ALS2: variants seen among roughly 807,000 people sequenced by gnomAD.
ALS2 encodes the protein alsin Rho guanine nucleotide exchange factor ALS2.
Under a neutral mutation model 203.4 loss-of-function variants are expected in ALS2, and 117 were observed. The ratio of observed to expected loss-of-function variants is 0.58; its 90% CI spans 0.50 to 0.67. The LOEUF is 0.67. Among genes scored for constraint, ALS2 ranks in the 30% least tolerant of loss-of-function variants. The pLI is 0.00. For synonymous variants in ALS2, 718 were observed against 725.9 expected (o/e 0.99, Z 0.17); for missense variants, 1,715 against 1,989.4 (o/e 0.86, Z 2.62).
In ALS2 at chr2:201,728,551, A is replaced by G. The variant is rs1265678329; in HGVS notation, c.2802T>C (p.Asn934=). Residue 934 remains asparagine (N), a synonymous_variant, in exon 15 of 34, where the codon AAT becomes AAC. Transcript: ENST00000264276. ...GGGCATCATTAAAGAGAATGAACCA[A>G]TTCACGGAAAACCTCCCAGCATGCT... ...SLQHAGRFSV[N]WFILFNDALV... The G allele has an allele frequency of 5.0e-6, 8 of 1,614,020 alleles. No individual in the cohort carries two copies. Among genetic ancestry groups the G allele is most frequent in the Non-Finnish European group, 5.9e-6 (7 of 1,180,042 alleles).
chr2:201,777,159 T>C (rs1694698590), intron 1 of ALS2, among the ~76,000 whole-genome samples: 1 of 152,156 alleles, frequency 6.6e-6, no homozygotes, highest in Non-Finnish European at 1.5e-5. Context: ...GAGGGCCTTA[T>C]TATACAACTT....
chr2:201,710,122 G>A, intron 26 of ALS2, 84 bp from the exon 27 acceptor site: 3 of 1,491,338 alleles, frequency 2.0e-6, no homozygotes, highest in Non-Finnish European at 2.8e-6. Context: ...CTTCATAAAT[G>A]ACACACAATT....
chr2:201,716,976 T>G (rs898363567), intron 24 of ALS2, among the ~76,000 whole-genome samples: 5 of 152,178 alleles, frequency 3.3e-5, no homozygotes, highest in Non-Finnish European at 7.4e-5. Flanking sequence ...AACTGTCCAC[T>G]TCTGTGATTG....
chr2:201,726,625 A>G (rs368794255), intron 18 of ALS2, 39 bp downstream of exon 18: 1 of 1,610,424 alleles, frequency 6.2e-7, no homozygotes, highest in Non-Finnish European at 8.5e-7. Context: ...TCATGTGATG[A>G]TCATCCTCAC....
At chr2:201,743,074 A>C (rs1430101761) in intron 10 of ALS2, among the ~76,000 whole-genome samples, 4 of 151,060 alleles carry the variant, frequency 2.6e-5, no homozygotes, top group African/African-American at 9.7e-5. Context: ...CTGTCTCAAA[A>C]AAAAAAAAAA....
chr2:201,769,854 G>A (rs1574803899), intron 1 of ALS2, among the ~76,000 whole-genome samples: 1 of 152,164 alleles, frequency 6.6e-6, no homozygotes, highest in African/African-American at 2.4e-5. Context: ...CATACTGGCA[G>A]GAGTGATCTG....
rs780479543 is a variant in ALS2 at position 201,723,456 on chromosome 2, A to C, written c.3513-15T>G. 6 of 1,592,756 alleles carry C rather than the reference A, an allele frequency of 3.8e-6. No homozygotes were observed. The highest frequency in any genetic ancestry group is 2.6e-6 in the Non-Finnish European group (3 of 1,160,562). On this transcript the variant is annotated splice_polypyrimidine_tract_variant and intron_variant, in intron 21 of 33. Transcript: ENST00000264276. ...ACTTTTCCCCCCTGCACAGAAATAA[A>C]AAGAAAAGAAAAAGCACTGAAGATA... is the stretch of plus-strand genomic sequence containing the variant.
chr2:201,737,430 G>T (rs2106032475), intron 12 of ALS2, among the ~76,000 whole-genome samples: 1 of 152,100 alleles, frequency 6.6e-6, no homozygotes, highest in East Asian at 1.9e-4. Flanking sequence ...CTGAATTTTG[G>T]AATTTGGAAA....
chr2:201,720,378 C>G (rs1690692390), intron 23 of ALS2, among the ~76,000 whole-genome samples: 1 of 151,838 alleles, frequency 6.6e-6, no homozygotes, highest in Non-Finnish European at 1.5e-5. Flanking sequence ...ACATGATCAT[C>G]TCAACAGATA....
intron 10 of ALS2, 58 bp from the exon 11 acceptor site, chr2:201,741,912 T>A: frequency 1.4e-6 from 2 of 1,428,652 alleles, no homozygotes; most frequent in South Asian, 2.4e-5. Context: ...CACTTTATTA[T>A]GATGTGATTA....
Position 201,728,542 on chromosome 2 carries a change from A to G in ALS2, c.2811T>C (p.Ile937=). The change falls in exon 15 of 34, where the codon ATT becomes ATC. Residue 937 remains isoleucine, a synonymous_variant. Transcript: ENST00000264276. ...CATGGACCAGGGCATCATTAAAGAGAATGAACCAATTCACGGAAAACCTCC... is the reference window on the plus strand; with the variant it reads ...CATGGACCAGGGCATCATTAAAGAGGATGAACCAATTCACGGAAAACCTCC... ...HAGRFSVNWF[I]LFNDALVHAQ... 1 of 1,614,142 alleles carries G rather than the reference A, an allele frequency of 6.2e-7. No individual in the cohort carries two copies. The highest frequency in any genetic ancestry group is 8.5e-7 in the Non-Finnish European group (1 of 1,180,024).
chr2:201,732,919 T>C (rs1334753665), intron 13 of ALS2, among the ~76,000 whole-genome samples: 1 of 152,216 alleles, frequency 6.6e-6, no homozygotes, highest in South Asian at 2.1e-4. Flanking sequence ...TATGCCATTA[T>C]ACAGAAAGCC....
Position 201,761,679 on chromosome 2 carries a change from T to G in ALS2, c.315A>C (p.Ala105=). The part of the protein sequence containing the change: ...TVATGSFHSG[A]VTDNGVAYMW... The stretch of plus-strand genomic sequence containing the variant: ...TGTACGCGACACCATTGTCTGTCAC[T>G]GCTCCACTATGGAAGCTTCCTGTTG... The change falls in exon 4 of 34, where the codon GCA becomes GCC. Residue 105 remains alanine (A), a synonymous_variant. Transcript: ENST00000264276. The G allele has an allele frequency of 6.2e-7, 1 of 1,614,216 alleles. No individual in the cohort carries two copies. The highest frequency in any genetic ancestry group is 8.5e-7 in the Non-Finnish European group (1 of 1,180,036).
chr2:201,764,796 T>C (rs1425188819), intron 3 of ALS2, among the ~76,000 whole-genome samples: 4 of 152,164 alleles, frequency 2.6e-5, no homozygotes, highest in African/African-American at 4.8e-5. Context: ...CTGGAAAAGA[T>C]AGCACTGGAG....
chr2:201,761,692 A>T lies in ALS2; in HGVS notation c.302T>A (p.Phe101Tyr). The T allele has an allele frequency of 6.2e-7, 1 of 1,614,156 alleles. No individual in the cohort carries two copies. The highest frequency in any genetic ancestry group is 1.1e-5 in the South Asian group (1 of 91,084). Residue 101 changes from phenylalanine to tyrosine, a missense_variant, in exon 4 of 34, where the codon TTC becomes TAC. Phe to Tyr is a conservative substitution (Grantham distance 22). Transcript: ENST00000264276. ...ATTGTCTGTCACTGCTCCACTATGG[A>T]AGCTTCCTGTTGCCACAGTAATAAC... ...QYVITVATGSFHSGAVTDNGV... is the reference protein window; with the variant it reads ...QYVITVATGSYHSGAVTDNGV...
At chr2:201,760,543 T>A in intron 4 of ALS2, 1 of 1,060,750 alleles carries the variant, frequency 9.4e-7, no homozygotes, top group Non-Finnish European at 1.1e-6. Context: ...TCTTTGTGAA[T>A]CTCTAGTTAT....
Position 201,767,311 on chromosome 2 carries a change from T to A in ALS2, c.93A>T (p.Thr31=), listed in dbSNP as rs1694139952. The change falls in exon 3 of 34, where the codon ACA becomes ACT. Residue 31 remains threonine (T), a synonymous_variant. Coordinates refer to ENST00000264276, the MANE Select transcript of ALS2 (RefSeq NM_020919.4). ...CTCCCCAGCCTGGCAATCTCTCTGG[T>A]GTTATGGGAAAGGATCCTGCCTGCC... ...HIWQAGSFPI[T]PERLPGWGGK... is the part of the protein sequence containing the mutation. The A allele has an allele frequency of 1.2e-6, 2 of 1,613,910 alleles. No homozygotes were observed. Among genetic ancestry groups the A allele is most frequent in the Non-Finnish European group, 1.7e-6 (2 of 1,179,960 alleles).
At chr2:201,730,494 T>C (rs144328867) in intron 13 of ALS2, among the ~76,000 whole-genome samples, 100 of 152,338 alleles carry the variant, frequency 6.6e-4, no homozygotes, top group African/African-American at 2.4e-3. Context: ...CGCTTAAAAG[T>C]TGAGATTTTA....
chr2:201,768,264 G>A (rs1694202756), intron 2 of ALS2, among the ~76,000 whole-genome samples: 1 of 152,154 alleles, frequency 6.6e-6, no homozygotes, highest in Non-Finnish European at 1.5e-5. Flanking sequence ...GATGATTTCG[G>A]TTTAAAGAAT....
Sources: allele counts gnomAD v4.1 joint callset (sites outside exome capture counted in the v4.1 genomes callset), GRCh38; gene constraint gnomAD v4.1.1; transcripts MANE v1.5; gene names NCBI Gene and HGNC (gene_info 2026-07-23, HGNC 2026-07-21).